Variants in TANGO6 observed in about 807,000 individuals in gnomAD.
The protein encoded by TANGO6 is transport and Golgi organization protein 6 homolog.
Under a neutral mutation model 114.2 loss-of-function variants are expected in TANGO6, and 90 were observed. The ratio of observed to expected loss-of-function variants is 0.79; its 90% confidence interval spans 0.66 to 0.94. TANGO6 has a LOEUF of 0.94. Among genes scored for constraint, TANGO6 ranks in the 40% least tolerant of loss-of-function variants. The probability of loss-of-function intolerance (pLI) is 0.00; values close to 1 mark genes in which losing one functional copy is unlikely to be tolerated. For missense variants in TANGO6, 1,274 were observed against 1,315.3 expected (o/e 0.97, Z 0.49); for synonymous variants, 477 against 509.8 (o/e 0.94, Z 0.87).
At chr16:68,850,734 T>C (rs931353202) in intron 1 of TANGO6, among the ~76,000 whole-genome samples, 2 of 152,232 alleles carry the variant, frequency 1.3e-5, no homozygotes, top group African/African-American at 4.8e-5. Flanking sequence ...CCATAGACTA[T>C]ATGTAAATGG....
intron 7 of TANGO6, among the ~76,000 whole-genome samples, chr16:68,886,237 C>CA (rs1962537454): frequency 6.7e-6 from 1 of 150,334 alleles, no homozygotes; most frequent in African/African-American, 2.5e-5. Flanking sequence ...TTTTCTGAGA[C>CA]AGAGTCTTGC....
intron 14 of TANGO6, among the ~76,000 whole-genome samples, chr16:68,969,475 A>G (rs1169258684): frequency 6.6e-6 from 1 of 152,098 alleles, no homozygotes; most frequent in Non-Finnish European, 1.5e-5. Flanking sequence ...TTATAAACTC[A>G]TAGGTGGCAC....
intron 12 of TANGO6, among the ~76,000 whole-genome samples, chr16:68,920,616 A>T (rs1443064703): frequency 6.6e-6 from 1 of 152,110 alleles, no homozygotes; most frequent in Non-Finnish European, 1.5e-5. Flanking sequence ...AATGAGTAGG[A>T]TACCCTCTGG....
chr16:68,944,426 A>G (rs1478136819), intron 14 of TANGO6, among the ~76,000 whole-genome samples: 2 of 152,182 alleles, frequency 1.3e-5, no homozygotes, highest in Non-Finnish European at 2.9e-5. Flanking sequence ...CTCAACCTGG[A>G]GGAAAAATAT....
intron 7 of TANGO6, among the ~76,000 whole-genome samples, chr16:68,898,042 A>T (rs1287067336): frequency 6.6e-6 from 1 of 151,962 alleles, no homozygotes; most frequent in African/African-American, 2.4e-5. Context: ...GGGGCTTATT[A>T]TTTTTTGTAC....
intron 17 of TANGO6, among the ~76,000 whole-genome samples, chr16:69,056,681 C>T (rs1467684996): frequency 6.6e-6 from 1 of 151,942 alleles, no homozygotes; most frequent in East Asian, 1.9e-4. Flanking sequence ...ATAATGCAAC[C>T]GTCTTATTTT....
chr16:69,022,879 G>A lies in TANGO6; in HGVS notation c.2894G>A (p.Gly965Glu). 2 of 1,595,104 alleles carry A rather than the reference G, an allele frequency of 1.3e-6. No homozygotes were observed. Among genetic ancestry groups the A allele is most frequent in the Admixed American group, 1.8e-5 (1 of 56,496 alleles). The change falls in exon 16 of 18, where the codon GGA (glycine) becomes GAA (glutamate). Residue 965 changes from glycine (G) to glutamate (E), a missense_variant. By Grantham distance (98) the Gly-to-Glu change is moderately conservative. Around this residue, in one of 5 missense-constraint regions of TANGO6, gnomAD observed 238 missense variants for 252.9 expected, o/e 0.94. Coordinates refer to ENST00000261778, the MANE Select transcript of TANGO6 (RefSeq NM_024562.2). Reference protein sequence around the residue: ...REPLIHTFLRGVRDPDGAHRA... With the variant: ...REPLIHTFLREVRDPDGAHRA... ...CCTTTGATCCATACCTTCCTGAGGG[G>A]AGTGAGAGATCCTGATGGTGCTCAC...
At chr16:69,054,751 G>T (rs1960006467) in intron 17 of TANGO6, among the ~76,000 whole-genome samples, 1 of 149,904 alleles carries the variant, frequency 6.7e-6, no homozygotes. Context: ...GGCTAACACG[G>T]TGAAACACCA....
At chr16:68,878,990 C>A (rs909007644) in intron 6 of TANGO6, among the ~76,000 whole-genome samples, 3 of 152,048 alleles carry the variant, frequency 2.0e-5, no homozygotes, top group Non-Finnish European at 4.4e-5. Flanking sequence ...GTGGGAGGAT[C>A]GCTTGAGCCT....
At chr16:68,863,397 C>G (rs557879582) in intron 3 of TANGO6, among the ~76,000 whole-genome samples, 1 of 151,992 alleles carries the variant, frequency 6.6e-6, no homozygotes, top group Non-Finnish European at 1.5e-5. Context: ...CACCTGAGGT[C>G]GTGAGTTCGA....
chr16:68,893,723 G>A (rs1275750402), intron 7 of TANGO6, among the ~76,000 whole-genome samples: 3 of 97,512 alleles, frequency 3.1e-5, no homozygotes, highest in African/African-American at 8.7e-5. Flanking sequence ...GCGACAGAGT[G>A]AAACTGTGTC....
rs533800001 is a variant in TANGO6, at chr16:68,914,780, G to A, written c.1993-4305G>A. Among the ~76,000 whole-genome samples, 5 of 152,180 alleles carry A rather than the reference G, an allele frequency of 3.3e-5. No homozygotes were observed. In the South Asian group the frequency reaches 8.3e-4, roughly 25 times the overall value. Reference sequence around the variant, plus strand: ...GGAGGAGCTGCTGTCCAAATGGGTAGGGGGTTTTGGGGTTAACACAAAGAA... The same window carrying A: ...GGAGGAGCTGCTGTCCAAATGGGTAAGGGGTTTTGGGGTTAACACAAAGAA... On this transcript the variant is annotated intron_variant, in intron 11 of 17. Coordinates refer to ENST00000261778, the MANE Select transcript of TANGO6 (RefSeq NM_024562.2).
chr16:68,980,409 C>CTCTCTATA (rs1408626276), intron 15 of TANGO6, among the ~76,000 whole-genome samples: 1 of 68,008 alleles, frequency 1.5e-5, no homozygotes, highest in African/African-American at 6.6e-5. Context: ...CTCTCTCTCT[C>CTCTCTATA]TATATATATA....
chr16:68,925,701 C>A (rs1197763676), intron 12 of TANGO6, among the ~76,000 whole-genome samples: 1 of 152,000 alleles, frequency 6.6e-6, no homozygotes, highest in African/African-American at 2.4e-5. Flanking sequence ...GAGGTCATCT[C>A]AATTTTCTAC....
In TANGO6 at chr16:68,843,574, C is replaced by T. The variant is rs762132099; in HGVS notation, c.-44C>T. On this transcript the variant is annotated 5_prime_UTR_variant, in exon 1 of 18. It introduces an in-frame stop codon into an upstream open reading frame of the 5' UTR. Coordinates refer to ENST00000261778, the MANE Select transcript of TANGO6 (RefSeq NM_024562.2). Reference sequence around the variant, plus strand: ...TAACATGGCGGCGGCGGCGCCCTGCCGAGGCGCCTGAGCGGGTCGCGAGCG... The same window carrying T: ...TAACATGGCGGCGGCGGCGCCCTGCTGAGGCGCCTGAGCGGGTCGCGAGCG... 7 of 1,588,982 alleles carry T rather than the reference C, an allele frequency of 4.4e-6. No individual in the cohort carries two copies. Among genetic ancestry groups the T allele is most frequent in the African/African-American group, 2.7e-5 (2 of 74,008 alleles).
intron 15 of TANGO6, among the ~76,000 whole-genome samples, chr16:69,008,999 C>T (rs932875601): frequency 6.6e-6 from 1 of 151,462 alleles, no homozygotes; most frequent in Admixed American, 6.6e-5. Context: ...CAAGTTGTTC[C>T]AGCCTCATTC....
At chr16:69,017,555 C>T (rs1048591718) in intron 15 of TANGO6, among the ~76,000 whole-genome samples, 2 of 152,116 alleles carry the variant, frequency 1.3e-5, no homozygotes, top group African/African-American at 2.4e-5. Flanking sequence ...ACAACAGCCT[C>T]CCACTCCAGG....
At chr16:68,880,744 T>G (rs1435582259) in intron 7 of TANGO6, 114 bp downstream of exon 7, 1 of 608,532 alleles carries the variant, frequency 1.6e-6, no homozygotes, top group Non-Finnish European at 2.6e-6. Context: ...AGTCTGGTCT[T>G]GAACTCCTGG....
intron 14 of TANGO6, among the ~76,000 whole-genome samples, chr16:68,954,562 G>T (rs1314331044): frequency 6.6e-6 from 1 of 152,208 alleles, no homozygotes; most frequent in African/African-American, 2.4e-5. Flanking sequence ...TACGTGCCTA[G>T]CGAGAAAGTT....
Sources: gnomAD v4.1 joint callset for allele counts (sites outside exome capture counted in the v4.1 genomes callset) on GRCh38, gnomAD v4.1.1 for gene constraint, gnomAD v4.1.1 regional missense constraint, MANE v1.5 for transcripts, NCBI Gene and HGNC (gene_info 2026-07-23, HGNC 2026-07-21) for gene names.